PHF3: variants seen among roughly 807,000 people sequenced by gnomAD.
PHF3 encodes the protein PHD finger protein 3.
A neutral mutation model predicts 178.4 loss-of-function variants in PHF3; 41 were observed. The observed-to-expected ratio is 0.23, with a 90% CI of 0.18 to 0.30. The LOEUF is 0.30. Ranked by LOEUF, PHF3 falls within the 10% of genes least tolerant of loss-of-function variation. The pLI, the probability that PHF3 is intolerant of heterozygous loss-of-function variation, is 1.00. For synonymous variants in PHF3, 842 were observed against 800.5 expected (o/e 1.05, Z -0.88); for missense variants, 2,346 against 2,398.1 (o/e 0.98, Z 0.45).
chr6:63,702,622 G>A lies in PHF3; in HGVS notation c.3214G>A (p.Ala1072Thr). The A allele has an allele frequency of 1.9e-6, 3 of 1,612,718 alleles. No homozygotes were observed. The highest frequency in any genetic ancestry group is 2.5e-6 in the Non-Finnish European group (3 of 1,179,190). The change falls in exon 10 of 16, where the codon GCA becomes ACA. Residue 1072 changes from alanine to threonine, a missense_variant. Physicochemically the swap from Ala to Thr is moderately conservative, Grantham distance 58 (BLOSUM62 0). Transcript: ENST00000262043. ...TGATGCCCCAATGAAAGAACAGGAAGCAGCCATGGAGATTCAGGTAAGGAT... is the reference window on the plus strand; with the variant it reads ...TGATGCCCCAATGAAAGAACAGGAAACAGCCATGGAGATTCAGGTAAGGAT... ...ESDAPMKEQE[A>T]AMEIQEPAAN... is the part of the protein sequence containing the mutation.
chr6:63,700,307 A>G (rs1182455950), intron 8 of PHF3, 43 bp from the exon 9 acceptor site: 2 of 913,062 alleles, frequency 2.2e-6, no homozygotes, highest in Non-Finnish European at 1.7e-6. Flanking sequence ...AGCCACTCAA[A>G]ATGTTTGTCT....
chr6:63,711,561 AATTG>A, intron 15 of PHF3, 21 bp from the exon 16 acceptor site: 1 of 1,525,726 alleles, frequency 6.6e-7, no homozygotes, highest in Non-Finnish European at 8.8e-7. Context: ...ATGATGAATT[AATTG>A]ATGTTTTTGG....
At chr6:63,677,361 T>C (rs72884679) in intron 2 of PHF3, among the ~76,000 whole-genome samples, 309 of 152,194 alleles carry the variant, frequency 2.0e-3, no homozygotes, top group Middle Eastern at 6.8e-3. Context: ...AAGAGAAGGC[T>C]TTATCAAAGG....
rs1470330921 is a variant in PHF3 at position 63,685,225 on chromosome 6, G to A, written c.1503G>A (p.Met501Ile). Residue 501 changes from methionine (M) to isoleucine (I), a missense_variant, in exon 4 of 16, where the codon ATG (methionine) becomes ATA (isoleucine). Coordinates refer to ENST00000262043, the MANE Select transcript of PHF3 (RefSeq NM_001370348.2). Reference sequence around the variant, plus strand: ...CTGTAATTCATTCTAAGCAAAACATGACCACAGATGCTCCGAAGAAAATTG... The same window carrying A: ...CTGTAATTCATTCTAAGCAAAACATAACCACAGATGCTCCGAAGAAAATTG... ...TKPVIHSKQN[M>I]TTDAPKKIVA... is the part of the protein sequence containing the mutation. The A allele has an allele frequency of 6.2e-7, 1 of 1,613,800 alleles. No individual in the cohort carries two copies. Among genetic ancestry groups the A allele is most frequent in the South Asian group, 1.1e-5 (1 of 91,026 alleles).
rs887569672 is a variant in PHF3, at chr6:63,720,587, A to G, written c.*6879A>G. 4 of 1,450,902 alleles carry G rather than the reference A, an allele frequency of 2.8e-6. No individual in the cohort carries two copies. The highest frequency in any genetic ancestry group is 3.7e-6 in the Non-Finnish European group (4 of 1,093,440). The allele number at this position is 1,450,902 out of a possible 1,614,324, so 89.9% of individuals were successfully genotyped here. A position where few individuals can be genotyped will look rare whatever the true frequency, so the allele number is the denominator to read the frequency against. The stretch of plus-strand genomic sequence containing the variant: ...ATGTATAGTGTGTACTAAAATCTCT[A>G]GTGTTAACTTATGTAACCTCATTTT... On this transcript the variant is annotated 3_prime_UTR_variant, in exon 16 of 16. Coordinates refer to ENST00000262043, the MANE Select transcript of PHF3 (RefSeq NM_001370348.2).
chr6:63,703,403 A>G lies in PHF3; in HGVS notation c.3232-133A>G, dbSNP rs1027568088. ...TTAAGAAATAGTAAAAAAAAACCAA[A>G]AAACAAAAATCAAAAACTTATCTAT... On this transcript the variant is annotated intron_variant, in intron 10 of 15. Coordinates refer to ENST00000262043, the MANE Select transcript of PHF3 (RefSeq NM_001370348.2). 4.4e-5 allele frequency: 42 copies of G among 947,824 alleles called. No homozygotes were observed. In the African/African-American group the frequency reaches 6.0e-4, roughly 13 times the overall value. 58.7% of individuals were successfully genotyped at this position (947,824 alleles called of 1,614,324 possible). A position where few individuals can be genotyped will look rare whatever the true frequency, so the allele number is the denominator to read the frequency against.
intron 2 of PHF3, among the ~76,000 whole-genome samples, chr6:63,650,465 T>A (rs1440631316): frequency 6.6e-6 from 1 of 152,222 alleles, no homozygotes; most frequent in Non-Finnish European, 1.5e-5. Context: ...CATCACATGT[T>A]GCTTTCCTAT....
Position 63,720,513 on chromosome 6 carries a change from TC to T in PHF3, c.*6809del. 1 of 985,010 alleles carries T rather than the reference TC, an allele frequency of 1.0e-6. No homozygotes were observed. The highest frequency in any genetic ancestry group is 3.3e-4 in the Middle Eastern group (1 of 3,046). 61.0% of individuals were successfully genotyped at this position (985,010 alleles called of 1,614,324 possible). ...TCAGGTAATATAGTAAACAGTTGAT[TC>T]CCCGTAAGCAATGTATCAAAGAAAT... On this transcript the variant is annotated 3_prime_UTR_variant, in exon 16 of 16. Coordinates refer to ENST00000262043, the MANE Select transcript of PHF3 (RefSeq NM_001370348.2).
chr6:63,708,190 A>G (rs1025276367), intron 13 of PHF3, among the ~76,000 whole-genome samples: 2 of 152,174 alleles, frequency 1.3e-5, no homozygotes, highest in Non-Finnish European at 2.9e-5. Flanking sequence ...TCGATTAATA[A>G]ACAGACTAAT....
intron 2 of PHF3, among the ~76,000 whole-genome samples, chr6:63,671,939 G>T (rs1561954740): frequency 6.6e-6 from 1 of 152,038 alleles, no homozygotes; most frequent in South Asian, 2.1e-4. Flanking sequence ...TAGAGATGGG[G>T]TTTCACCATG....
intron 2 of PHF3, among the ~76,000 whole-genome samples, chr6:63,649,366 T>C (rs1582003196): frequency 6.6e-6 from 1 of 152,320 alleles, no homozygotes; most frequent in East Asian, 1.9e-4. Context: ...TTGTTGTTTC[T>C]GGCACAATGG....
At chr6:63,648,425 C>T (rs996904516) in intron 2 of PHF3, among the ~76,000 whole-genome samples, 1 of 152,062 alleles carries the variant, frequency 6.6e-6, no homozygotes, top group Non-Finnish European at 1.5e-5. Context: ...CTCCAGTTAC[C>T]TTCAAGGGTG....
chr6:63,663,992 C>G (rs76984944), intron 2 of PHF3, among the ~76,000 whole-genome samples: 1,795 of 152,298 alleles, frequency 0.012, 31 homozygotes, highest in African/African-American at 0.041. Context: ...GTAACCTCAT[C>G]TATCAGTAAG....
At chr6:63,679,175 C>A (rs936111464) in intron 2 of PHF3, among the ~76,000 whole-genome samples, 4 of 151,174 alleles carry the variant, frequency 2.6e-5, no homozygotes, top group Non-Finnish European at 4.4e-5. Flanking sequence ...TTCTTTTTGG[C>A]AAGATTTCAT....
intron 2 of PHF3, among the ~76,000 whole-genome samples, chr6:63,660,813 C>G (rs777607302): frequency 6.6e-6 from 1 of 152,136 alleles, no homozygotes; most frequent in African/African-American, 2.4e-5. Flanking sequence ...CCTCTTAACT[C>G]GACAATCAGC....
chr6:63,698,191 A>G (rs376063460), intron 6 of PHF3, 32 bp from the exon 7 acceptor site: 22 of 1,538,096 alleles, frequency 1.4e-5, no homozygotes, highest in Admixed American at 5.4e-5. Context: ...TTTAAAAGCA[A>G]TGTAATGAGT....
Position 63,713,938 on chromosome 6 carries a change from T to C in PHF3, c.*230T>C. The C allele has an allele frequency of 2.6e-6, 1 of 379,622 alleles. No individual in the cohort carries two copies. The highest frequency in any genetic ancestry group is 4.7e-6 in the Non-Finnish European group (1 of 214,896). The allele number at this position is 379,622 out of a possible 1,614,324, so 23.5% of individuals were successfully genotyped here. On this transcript the variant is annotated 3_prime_UTR_variant, in exon 16 of 16. Coordinates refer to ENST00000262043, the MANE Select transcript of PHF3 (RefSeq NM_001370348.2). Reference sequence around the variant, plus strand: ...ATAGGAATTTAATATTTTTAAAAGTTTTACATTGCTGTATATTCAAAGATT... The same window carrying C: ...ATAGGAATTTAATATTTTTAAAAGTCTTACATTGCTGTATATTCAAAGATT...
At chr6:63,686,558 C>T (rs531040130) in intron 4 of PHF3, among the ~76,000 whole-genome samples, 2 of 152,218 alleles carry the variant, frequency 1.3e-5, no homozygotes, top group Admixed American at 6.5e-5. Flanking sequence ...CACTGACTTT[C>T]ATCATTCTTT....
intron 2 of PHF3, among the ~76,000 whole-genome samples, chr6:63,660,549 C>T (rs1279619031): frequency 6.6e-6 from 1 of 152,080 alleles, no homozygotes; most frequent in East Asian, 1.9e-4. Flanking sequence ...ATGATCTCTT[C>T]TTAATGGAGC....
Sources: gnomAD v4.1 joint callset for allele counts (sites outside exome capture counted in the v4.1 genomes callset) on GRCh38, gnomAD v4.1.1 for gene constraint, MANE v1.5 for transcripts, NCBI Gene and HGNC (gene_info 2026-07-23, HGNC 2026-07-21) for gene names.